ZBTB20: variants seen among roughly 807,000 people sequenced by gnomAD.
ZBTB20 encodes zinc finger and BTB domain containing 20.
A neutral mutation model predicts 56.9 loss-of-function variants in ZBTB20; 9 were observed. That is an observed-to-expected ratio of 0.16 (90% CI 0.10 to 0.28). The LOEUF (loss-of-function observed/expected upper bound fraction) is 0.28, where lower values mean the gene tolerates loss of function less well. ZBTB20 is among the 10% of genes least tolerant of loss of function. The probability of loss-of-function intolerance (pLI) is 1.00; values close to 1 mark genes in which losing one functional copy is unlikely to be tolerated. For missense variants in ZBTB20, 655 were observed against 1,003.0 expected (o/e 0.65, Z 4.69); for synonymous variants, 417 against 420.7 (o/e 0.99, Z 0.11).
intron 2 of ZBTB20, among the ~76,000 whole-genome samples, chr3:114,979,756 G>GAA (rs1158801425): frequency 6.6e-6 from 1 of 152,102 alleles, no homozygotes; most frequent in African/African-American, 2.4e-5. Flanking sequence ...TCAAAGACTG[G>GAA]AAAAGCTTTA....
intron 3 of ZBTB20, among the ~76,000 whole-genome samples, chr3:114,955,568 T>A (rs1380023428): frequency 6.6e-6 from 1 of 152,162 alleles, no homozygotes; most frequent in Non-Finnish European, 1.5e-5. Flanking sequence ...GTTCTCATCA[T>A]CTTAGCTCTA....
rs151156872 is a variant in ZBTB20, at chr3:114,482,917, C to T, written c.-255+17435G>A. Among the ~76,000 whole-genome samples the T allele has an allele frequency of 1.2e-3, 182 of 152,288 alleles. 2 individuals carry two copies. The East Asian group carries it at 0.022, about 18-fold the overall frequency. ...CATAATTATTTATTCATTCTCCAAACATTTATTGAGAGCTTACTGTATGCT... is the reference window on the plus strand; with the variant it reads ...CATAATTATTTATTCATTCTCCAAATATTTATTGAGAGCTTACTGTATGCT... On this transcript the variant is annotated intron_variant, in intron 7 of 11. Transcript: ENST00000675478.
intron 6 of ZBTB20, among the ~76,000 whole-genome samples, chr3:114,533,937 C>G (rs2048152733): frequency 6.6e-6 from 1 of 152,154 alleles, no homozygotes; most frequent in Non-Finnish European, 1.5e-5. Context: ...CAAGAAAATG[C>G]TGAGAGATTT....
At chr3:115,122,490 A>C (rs2084211062) in intron 1 of ZBTB20, among the ~76,000 whole-genome samples, 1 of 152,040 alleles carries the variant, frequency 6.6e-6, no homozygotes, top group Admixed American at 6.6e-5. Flanking sequence ...TACTTCCTAC[A>C]TTTCATATAA....
intron 2 of ZBTB20, among the ~76,000 whole-genome samples, chr3:115,027,957 T>C (rs138733927): frequency 1.3e-4 from 19 of 151,006 alleles, no homozygotes; most frequent in Middle Eastern, 3.4e-3. Context: ...TTTCCATGTA[T>C]AACATGTTTT....
intron 5 of ZBTB20, among the ~76,000 whole-genome samples, chr3:114,752,076 A>G (rs533850392): frequency 3.3e-5 from 5 of 152,342 alleles, no homozygotes; most frequent in Non-Finnish European, 5.9e-5. Flanking sequence ...TACTGTGATT[A>G]GCACTTTACA....
chr3:114,382,957 A>G (rs1366250500), intron 8 of ZBTB20, among the ~76,000 whole-genome samples: 1 of 152,216 alleles, frequency 6.6e-6, no homozygotes, highest in Non-Finnish European at 1.5e-5. Flanking sequence ...TGCCTTGTCT[A>G]TACTATTAAG....
At chr3:114,708,099 C>G (rs1445589077) in intron 5 of ZBTB20, among the ~76,000 whole-genome samples, 1 of 152,120 alleles carries the variant, frequency 6.6e-6, no homozygotes, top group Non-Finnish European at 1.5e-5. Flanking sequence ...CCAGGATAAG[C>G]AGAATGCTTG....
intron 2 of ZBTB20, among the ~76,000 whole-genome samples, chr3:115,009,035 T>C (rs956454254): frequency 2.6e-5 from 4 of 151,892 alleles, no homozygotes; most frequent in Non-Finnish European, 4.4e-5. Context: ...TTATACGTTA[T>C]TGGACACATA....
chr3:114,617,266 C>T (rs1419944049), intron 6 of ZBTB20, among the ~76,000 whole-genome samples: 1 of 152,200 alleles, frequency 6.6e-6, no homozygotes, highest in African/African-American at 2.4e-5. Context: ...CTGTACTCCC[C>T]TACTACACAT....
chr3:114,812,104 CA>C lies in ZBTB20; in HGVS notation c.-416-10931del, dbSNP rs539961539. ...TGTGGACCCAAAGAGTGAGCAGTAG[CA>C]AGATTTATTGCAAAGAGTGAAAGAA... On this transcript the variant is annotated intron_variant, in intron 4 of 11. Coordinates refer to ENST00000675478, the MANE Select transcript of ZBTB20 (RefSeq NM_001348800.3). Among the ~76,000 whole-genome samples the C allele has an allele frequency of 3.3e-3, 497 of 152,246 alleles. 1 individual carries two copies. The highest frequency in any genetic ancestry group is 0.011 in the African/African-American group (473 of 41,530).
At chr3:114,643,552 T>C (rs891296547) in intron 6 of ZBTB20, among the ~76,000 whole-genome samples, 5 of 152,144 alleles carry the variant, frequency 3.3e-5, no homozygotes, top group Non-Finnish European at 7.4e-5. Flanking sequence ...ATTGTTTGTG[T>C]GGCTAATCTT....
chr3:114,841,926 C>T (rs1227281718), intron 4 of ZBTB20, among the ~76,000 whole-genome samples: 1 of 152,166 alleles, frequency 6.6e-6, no homozygotes, highest in Non-Finnish European at 1.5e-5. Context: ...AGAACATCAA[C>T]TTTAGTACTG....
chr3:114,794,587 C>T (rs1210959431), intron 5 of ZBTB20, among the ~76,000 whole-genome samples: 3 of 152,086 alleles, frequency 2.0e-5, no homozygotes, highest in Non-Finnish European at 4.4e-5. Context: ...GGTCTTTTTA[C>T]TGAGCTATAG....
intron 6 of ZBTB20, among the ~76,000 whole-genome samples, chr3:114,578,519 G>T (rs912110656): frequency 1.3e-5 from 2 of 151,852 alleles, no homozygotes; most frequent in African/African-American, 4.8e-5. Flanking sequence ...ACATTTCAGA[G>T]AAACTACAAG....
intron 5 of ZBTB20, among the ~76,000 whole-genome samples, chr3:114,787,368 T>TATATATAC (rs1433434685): frequency 9.4e-6 from 1 of 106,330 alleles, no homozygotes; most frequent in African/African-American, 4.5e-5. Context: ...TATATATATA[T>TATATATAC]ACACACACAC....
At position 114,753,432 on chromosome 3, in the gene ZBTB20, T is replaced by TATATATATATACAC. The variant is rs1205435166; in HGVS notation, c.-343+47668_-343+47669insGTGTATATATATAT. 1.4e-3 allele frequency among the ~76,000 whole-genome samples: 63 copies of TATATATATATACAC among 43,526 alleles called. 10 individuals carry two copies. Among genetic ancestry groups the TATATATATATACAC allele is most frequent in the Middle Eastern group, 0.015 (1 of 66 alleles). The allele number at this position is 43,526 out of a possible 152,430, so 28.6% of individuals were successfully genotyped here. A position where few individuals can be genotyped will look rare whatever the true frequency, so the allele number is the denominator to read the frequency against. ...ACACACGTATATATATATATATATA[T>TATATATATATACAC]ACACACACACTTTTTTTTTTGAGAC... On this transcript the variant is annotated intron_variant, in intron 5 of 11. Coordinates refer to ENST00000675478, the MANE Select transcript of ZBTB20 (RefSeq NM_001348800.3).
intron 4 of ZBTB20, among the ~76,000 whole-genome samples, chr3:114,879,332 C>T (rs994239470): frequency 3.3e-5 from 5 of 152,112 alleles, no homozygotes; most frequent in Admixed American, 1.3e-4. Flanking sequence ...CTGGCATAAA[C>T]CAACTCTGCC....
At chr3:114,798,486 T>C (rs2071485976) in intron 5 of ZBTB20, among the ~76,000 whole-genome samples, 1 of 151,878 alleles carries the variant, frequency 6.6e-6, no homozygotes. Context: ...GGCAATTTGC[T>C]CCTCAGGAAA....
Sources: gnomAD v4.1 joint callset for allele counts (sites outside exome capture counted in the v4.1 genomes callset) on GRCh38, gnomAD v4.1.1 for gene constraint, MANE v1.5 for transcripts, NCBI Gene and HGNC (gene_info 2026-07-23, HGNC 2026-07-21) for gene names.